The following PRICKLE2 variants were observed in gnomAD, a reference collection of about 807,000 sequenced individuals.
The protein encoded by PRICKLE2 is prickle planar cell polarity protein 2, also known as prickle-like protein 2.
In PRICKLE2, 21 loss-of-function variants were observed where a neutral mutation model predicts 81.4. That is an observed-to-expected ratio of 0.26 (90% CI 0.18 to 0.37). The LOEUF (loss-of-function observed/expected upper bound fraction) is 0.37, where lower values mean the gene tolerates loss of function less well. Ranked by LOEUF, PRICKLE2 falls within the 10% of genes least tolerant of loss-of-function variation. PRICKLE2 has a pLI of 1.00. For missense variants in PRICKLE2, 940 were observed against 1,109.0 expected, an observed-to-expected ratio of 0.85 and a Z score of 2.16; for synonymous variants, 456 against 421.5, an observed-to-expected ratio of 1.08 and a Z score of -1.00.
chr3:64,221,626 C>T (rs1489770161), intron 1 of PRICKLE2, among the ~76,000 whole-genome samples: 2 of 152,122 alleles, frequency 1.3e-5, no homozygotes, highest in Admixed American at 6.6e-5. Flanking sequence ...ACCAGCAGTT[C>T]CCTGTTTATA....
intron 4 of PRICKLE2, among the ~76,000 whole-genome samples, chr3:64,157,937 G>T (rs576589896): frequency 2.0e-5 from 3 of 152,302 alleles, no homozygotes; most frequent in Admixed American, 2.0e-4. Context: ...GATTGACACG[G>T]CACCACTTCT....
chr3:64,182,059 C>G (rs1269471244), intron 2 of PRICKLE2, among the ~76,000 whole-genome samples: 2 of 152,148 alleles, frequency 1.3e-5, no homozygotes, highest in Non-Finnish European at 2.9e-5. Flanking sequence ...GCTTGGAGTT[C>G]TTGAAGAGTG....
At position 64,098,950 on chromosome 3, in the gene PRICKLE2, C is replaced by G. The variant is rs2076608478; in HGVS notation, c.*101G>C. 1.4e-6 allele frequency: 2 copies of G among 1,426,014 alleles called. No individual in the cohort carries two copies. The highest frequency in any genetic ancestry group is 2.0e-6 in the Non-Finnish European group (2 of 1,012,766). The allele number at this position is 1,426,014 out of a possible 1,614,324, so 88.3% of individuals were successfully genotyped here. Reference sequence around the variant, plus strand: ...TGACAGCATTTTCCCTTTTCTCCCCCATAAGCCACCCCCAAAAGCGCTTTA... The same window carrying G: ...TGACAGCATTTTCCCTTTTCTCCCCGATAAGCCACCCCCAAAAGCGCTTTA... On this transcript the variant is annotated 3_prime_UTR_variant, in exon 8 of 8. Transcript: ENST00000638394.
At chr3:64,210,903 A>G (rs1009870882) in intron 1 of PRICKLE2, among the ~76,000 whole-genome samples, 1 of 152,206 alleles carries the variant, frequency 6.6e-6, no homozygotes, top group Non-Finnish European at 1.5e-5. Context: ...GTGGGAGAAG[A>G]TCCCAAAAAG....
chr3:64,127,079 T>C (rs1377779006), intron 7 of PRICKLE2, among the ~76,000 whole-genome samples: 1 of 152,208 alleles, frequency 6.6e-6, no homozygotes, highest in Non-Finnish European at 1.5e-5. Flanking sequence ...GGAGCACTCA[T>C]TCCAGTAGGG....
intron 3 of PRICKLE2, 81 bp from the exon 4 acceptor site, chr3:64,160,158 C>T (rs1441693040): frequency 3.4e-6 from 5 of 1,457,174 alleles, no homozygotes; most frequent in South Asian, 2.3e-5. Context: ...TGAGTTTTCT[C>T]GTTAAATACA....
intron 4 of PRICKLE2, among the ~76,000 whole-genome samples, chr3:64,158,571 C>T (rs543614857): frequency 6.6e-6 from 1 of 152,308 alleles, no homozygotes; most frequent in Non-Finnish European, 1.5e-5. Flanking sequence ...TGGCACTATT[C>T]TACACAATTC....
chr3:64,231,548 C>T lies in PRICKLE2; in HGVS notation c.129-32581G>A, dbSNP rs145964833. The stretch of plus-strand genomic sequence containing the variant: ...AAATACGAACACTCAGGTTCCTACA[C>T]GTTTCTCTTGGAAGAGAACATTGGC... On this transcript the variant is annotated intron_variant, in intron 2 of 8. Transcript: ENST00000295902. Among the ~76,000 whole-genome samples the T allele has an allele frequency of 2.7e-4, 41 of 152,248 alleles. No homozygotes were observed. The Middle Eastern group carries it at 0.01, about 38-fold the overall frequency.
chr3:64,155,454 A>G (rs1401943458), intron 5 of PRICKLE2, among the ~76,000 whole-genome samples: 3 of 152,110 alleles, frequency 2.0e-5, no homozygotes, highest in Admixed American at 6.5e-5. Context: ...GTAAAATGTT[A>G]TACTTGTTTT....
chr3:64,260,986 A>G (rs1335098051), intron 2 of PRICKLE2, among the ~76,000 whole-genome samples: 4 of 152,206 alleles, frequency 2.6e-5, no homozygotes, highest in Non-Finnish European at 4.4e-5. Flanking sequence ...AGGAGAGTTC[A>G]GAAGCTTGGG....
At chr3:64,107,512 C>T (rs748061006) in intron 7 of PRICKLE2, among the ~76,000 whole-genome samples, 8 of 152,146 alleles carry the variant, frequency 5.3e-5, no homozygotes, top group Non-Finnish European at 8.8e-5. Flanking sequence ...TATCCCACTC[C>T]GCACCAGAAG....
intron 3 of PRICKLE2, among the ~76,000 whole-genome samples, chr3:64,161,819 A>C (rs983541224): frequency 1.3e-5 from 2 of 152,028 alleles, no homozygotes; most frequent in Non-Finnish European, 2.9e-5. Flanking sequence ...TTTTAGGGAC[A>C]TGCTTTCAAA....
intron 2 of PRICKLE2, among the ~76,000 whole-genome samples, chr3:64,260,435 T>C (rs2079599515): frequency 6.6e-6 from 1 of 152,226 alleles, no homozygotes; most frequent in South Asian, 2.1e-4. Context: ...CAACAACAGT[T>C]CTTGCCCATG....
chr3:64,225,112 C>A lies in PRICKLE2; in HGVS notation c.-243G>T. 1 of 985,480 alleles carries A rather than the reference C, an allele frequency of 1.0e-6. No homozygotes were observed. The highest frequency in any genetic ancestry group is 1.2e-6 in the Non-Finnish European group (1 of 830,010). 61.0% of individuals were successfully genotyped at this position (985,480 alleles called of 1,614,324 possible). A position where few individuals can be genotyped will look rare whatever the true frequency, so the allele number is the denominator to read the frequency against. On this transcript the variant is annotated 5_prime_UTR_variant, in exon 1 of 8. Transcript: ENST00000638394. ...CTGGCAACAGACTCAAGCCGAGCTG[C>A]TCCACATTCCCTCAGGGAAAACAGC...
intron 1 of PRICKLE2, among the ~76,000 whole-genome samples, chr3:64,216,684 G>A (rs1246690696): frequency 1.3e-5 from 2 of 152,214 alleles, no homozygotes; most frequent in Non-Finnish European, 2.9e-5. Flanking sequence ...ACAGTGAAAA[G>A]AAGGCAGGTT....
At chr3:64,104,482 C>T (rs1025016507) in intron 7 of PRICKLE2, 1 of 152,240 alleles carries the variant, frequency 6.6e-6, no homozygotes, top group East Asian at 1.9e-4. Flanking sequence ...ACCTGTCTTT[C>T]ATAAGCCCAG....
intron 7 of PRICKLE2, among the ~76,000 whole-genome samples, chr3:64,112,778 T>C (rs1438613757): frequency 6.6e-6 from 1 of 152,082 alleles, no homozygotes; most frequent in South Asian, 2.1e-4. Flanking sequence ...AGGCCTAATA[T>C]ACAGAATCTA....
intron 1 of PRICKLE2, among the ~76,000 whole-genome samples, chr3:64,216,240 G>GAAA (rs2078869974): frequency 6.6e-6 from 1 of 152,126 alleles, no homozygotes; most frequent in Non-Finnish European, 1.5e-5. Flanking sequence ...TAAACCTTTC[G>GAAA]GGTGACTTGA....
At chr3:64,254,050 C>A (rs528698092) in intron 2 of PRICKLE2, among the ~76,000 whole-genome samples, 71 of 152,318 alleles carry the variant, frequency 4.7e-4, no homozygotes, top group African/African-American at 1.7e-3. Context: ...TGTTTCGGGG[C>A]AGCCACAACT....
Sources: gnomAD v4.1 joint callset for allele counts (sites outside exome capture counted in the v4.1 genomes callset) on GRCh38, gnomAD v4.1.1 for gene constraint, MANE v1.5 for transcripts, NCBI Gene and HGNC (gene_info 2026-07-23, HGNC 2026-07-21) for gene names.